Variants in CEACAM1 observed in about 807,000 individuals in gnomAD.
The protein encoded by CEACAM1 is CEA cell adhesion molecule 1, also known as cell adhesion molecule CEACAM1.
In CEACAM1, 31 loss-of-function variants were observed where a neutral mutation model predicts 49.1. That is an observed-to-expected ratio of 0.63 (90% CI 0.47 to 0.85). The LOEUF is 0.85. Among genes scored for constraint, CEACAM1 ranks in the 40% least tolerant of loss-of-function variants. The pLI is 0.00. For missense variants in CEACAM1, 570 were observed against 645.3 expected (o/e 0.88, Z 1.26); for synonymous variants, 244 against 247.8 (o/e 0.98, Z 0.14).
In CEACAM1 at chr19:42,527,455, A is replaced by G. The variant is rs1008581794; in HGVS notation, c.65-55T>C. On this transcript the variant is annotated intron_variant, in intron 1 of 8. Transcript: ENST00000161559. The stretch of plus-strand genomic sequence containing the variant: ...ATTGGGACCTATGCATTAGGGTAGA[A>G]AAATGGGGCCTTGGGTCCTGAGCAG... 16 of 1,534,766 alleles carry G rather than the reference A, an allele frequency of 1.0e-5. No homozygotes were observed. The Admixed American group carries it at 3.4e-4, about 33-fold the overall frequency.
intron 7 of CEACAM1, chr19:42,511,279 GTAA>G (rs2041449677): frequency 1.8e-6 from 1 of 570,250 alleles, no homozygotes; most frequent in Non-Finnish European, 3.1e-6. Flanking sequence ...GCCCACATCC[GTAA>G]TAGAGGCAGG....
At chr19:42,519,355 CA>C (rs1240580254) in intron 4 of CEACAM1, 120 bp from the exon 5 acceptor site, 1 of 912,140 alleles carries the variant, frequency 1.1e-6, no homozygotes, top group East Asian at 2.4e-5. Flanking sequence ...GTGAGCTGTG[CA>C]AAGGTCACCA....
At chr19:42,515,820 A>G (rs1386942663) in intron 5 of CEACAM1, among the ~76,000 whole-genome samples, 3 of 152,246 alleles carry the variant, frequency 2.0e-5, no homozygotes, top group Non-Finnish European at 4.4e-5. Context: ...TAAGAGTACT[A>G]TGAGTAATTG....
At chr19:42,523,368 G>T (rs760280240) in intron 2 of CEACAM1, among the ~76,000 whole-genome samples, 1 of 152,202 alleles carries the variant, frequency 6.6e-6, no homozygotes, top group Non-Finnish European at 1.5e-5. Context: ...ACCACAAGGT[G>T]GGGCAGTTTT....
chr19:42,522,127 C>T lies in CEACAM1; in HGVS notation c.500G>A (p.Cys167Tyr). 6.2e-7 allele frequency: 1 copy of T among 1,614,190 alleles called. No individual in the cohort carries two copies. The highest frequency in any genetic ancestry group is 2.2e-5 in the East Asian group (1 of 44,888). The change falls in exon 3 of 9, where the codon TGT (cysteine) becomes TAT (tyrosine). Residue 167 changes from cysteine to tyrosine, a missense_variant. By Grantham distance (194) the Cys-to-Tyr change is radical (BLOSUM62 -2). Coordinates refer to ENST00000161559, the MANE Select transcript of CEACAM1 (RefSeq NM_001712.5). ...VEDKDAVAFTCEPETQDTTYL... is the reference protein window; with the variant it reads ...VEDKDAVAFTYEPETQDTTYL... ...GGTTGTGTCCTGAGTCTCAGGTTCA[C>T]AGGTGAAGGCCACAGCATCCTTGTC...
intron 5 of CEACAM1, chr19:42,515,159 A>G: frequency 1.8e-6 from 1 of 553,920 alleles, no homozygotes; most frequent in Non-Finnish European, 3.2e-6. Context: ...ACTACTTAGG[A>G]GGCTAAGGTG....
intron 2 of CEACAM1, among the ~76,000 whole-genome samples, chr19:42,524,407 G>A (rs576422518): frequency 2.6e-5 from 4 of 152,328 alleles, no homozygotes; most frequent in Admixed American, 2.0e-4. Flanking sequence ...CTGCAGACCT[G>A]TCCTTCTGCC....
intron 5 of CEACAM1, chr19:42,518,702 A>G (rs535912014): frequency 2.9e-4 from 138 of 480,116 alleles, no homozygotes; most frequent in African/African-American, 2.1e-3. Context: ...GGGTTTCACC[A>G]TATTAGCCAG....
chr19:42,521,388 T>A lies in CEACAM1; in HGVS notation c.837A>T (p.Gln279His). The stretch of plus-strand genomic sequence containing the variant: ...TAGGGATAAAGAGCTCTTGTGTGCT[T>A]TGCTGGAATGTTCCATTGATAAGCC... ...YSWLINGTFQ[Q>H]STQELFIPNI... is the part of the protein sequence containing the mutation. The change falls in exon 4 of 9, where the codon CAA becomes CAT. Residue 279 changes from glutamine to histidine, a missense_variant. Transcript: ENST00000161559. The A allele has an allele frequency of 1.2e-6, 2 of 1,614,224 alleles. No homozygotes were observed. Among genetic ancestry groups the A allele is most frequent in the Non-Finnish European group, 1.7e-6 (2 of 1,180,042 alleles).
intron 5 of CEACAM1, among the ~76,000 whole-genome samples, chr19:42,515,753 A>G (rs7247278): frequency 0.1 from 15,608 of 152,216 alleles, 2,642 homozygotes; most frequent in African/African-American, 0.35. Context: ...TCAAATTACT[A>G]AAGTCAGAAA....
intron 2 of CEACAM1, among the ~76,000 whole-genome samples, chr19:42,526,767 T>TAG (rs896682480): frequency 6.6e-5 from 10 of 152,002 alleles, no homozygotes; most frequent in Non-Finnish European, 1.2e-4. Flanking sequence ...ACCAGGAGGG[T>TAG]CCCGGGGGGC....
At position 42,518,864 on chromosome 19, in the gene CEACAM1, C is replaced by T; in HGVS notation, c.1246+84G>A. 3 of 1,440,904 alleles carry T rather than the reference C, an allele frequency of 2.1e-6. No individual in the cohort carries two copies. In the South Asian group the frequency reaches 3.5e-5, roughly 17 times the overall value. The allele number at this position is 1,440,904 out of a possible 1,614,324, so 89.3% of individuals were successfully genotyped here. ...TAATGGTCTCTTCATTGATATTCTG[C>T]CTCCTGTGAGTTTTATCCATTTTGC... On this transcript the variant is annotated intron_variant, in intron 5 of 8. Coordinates refer to ENST00000161559, the MANE Select transcript of CEACAM1 (RefSeq NM_001712.5).
At chr19:42,519,401 G>T in intron 4 of CEACAM1, 166 bp from the exon 5 acceptor site, 1 of 641,780 alleles carries the variant, frequency 1.6e-6, no homozygotes, top group East Asian at 2.6e-5. Context: ...GCAGAAGGTC[G>T]AGTGTCTTTG....
intron 2 of CEACAM1, among the ~76,000 whole-genome samples, chr19:42,526,771 G>T (rs1012414946): frequency 7.2e-5 from 11 of 152,084 alleles, no homozygotes; most frequent in African/African-American, 2.7e-4. Flanking sequence ...GGAGGGTCCC[G>T]GGGGGCTAGA....
chr19:42,509,315 T>C (rs1600207560), intron 8 of CEACAM1, 87 bp from the exon 9 acceptor site: 2 of 1,481,590 alleles, frequency 1.3e-6, no homozygotes, highest in East Asian at 2.3e-5. Context: ...CACAAGCTGT[T>C]ACCATTTTGA....
At chr19:42,519,269 T>A in intron 4 of CEACAM1, 34 bp from the exon 5 acceptor site, 1 of 1,609,290 alleles carries the variant, frequency 6.2e-7, no homozygotes, top group Non-Finnish European at 8.5e-7. Context: ...GATAACCTAC[T>A]GAGAATAGGG....
chr19:42,516,859 G>C (rs10412463), intron 5 of CEACAM1: 67,408 of 416,080 alleles, frequency 0.16, 9,532 homozygotes, highest in African/African-American at 0.51. Context: ...ATGGTGAAAC[G>C]CCATCTCTAC....
At chr19:42,515,476 C>A (rs940932036) in intron 5 of CEACAM1, among the ~76,000 whole-genome samples, 26 of 151,966 alleles carry the variant, frequency 1.7e-4, no homozygotes, top group African/African-American at 6.0e-4. Flanking sequence ...GAATTTGAGA[C>A]CAGCTGGGCA....
In CEACAM1 at chr19:42,527,509, G is replaced by T. The variant is rs1227221888; in HGVS notation, c.65-109C>A. On this transcript the variant is annotated intron_variant, in intron 1 of 8. Coordinates refer to ENST00000161559, the MANE Select transcript of CEACAM1 (RefSeq NM_001712.5). The stretch of plus-strand genomic sequence containing the variant: ...TCTTCACCCCTCCACCTTGGAGTGT[G>T]TGTGTGTGTGTGTGTGTGTGTGTGT... The T allele has an allele frequency of 1.1e-4, 70 of 616,718 alleles. 1 individual carries two copies. In the African/African-American group the frequency reaches 1.4e-3, roughly 13 times the overall value. The allele number at this position is 616,718 out of a possible 1,614,324, so 38.2% of individuals were successfully genotyped here. A position where few individuals can be genotyped will look rare whatever the true frequency, so the allele number is the denominator to read the frequency against.
Sources: allele counts gnomAD v4.1 joint callset (sites outside exome capture counted in the v4.1 genomes callset), GRCh38; gene constraint gnomAD v4.1.1; transcripts MANE v1.5; gene names NCBI Gene and HGNC (gene_info 2026-07-23, HGNC 2026-07-21).